The following CNTNAP2 variants were observed in gnomAD, a reference collection of about 807,000 sequenced individuals.
CNTNAP2 encodes the protein contactin associated protein 2, also known as contactin-associated protein-like 2.
A neutral mutation model predicts 155.2 loss-of-function variants in CNTNAP2; 98 were observed. That is an observed-to-expected ratio of 0.63 (90% CI 0.54 to 0.75). The LOEUF is 0.75. Among genes scored for constraint, CNTNAP2 ranks in the 30% least tolerant of loss-of-function variants. The probability of loss-of-function intolerance (pLI) is 0.00; values close to 1 mark genes in which losing one functional copy is unlikely to be tolerated. For missense variants in CNTNAP2, 1,727 were observed against 1,688.1 expected, an observed-to-expected ratio of 1.02 and a Z score of -0.40; for synonymous variants, 651 against 631.2, an observed-to-expected ratio of 1.03 and a Z score of -0.47.
chr7:148,215,797 A>G (rs540113743), intron 18 of CNTNAP2, among the ~76,000 whole-genome samples: 2 of 152,288 alleles, frequency 1.3e-5, no homozygotes, highest in Non-Finnish European at 2.9e-5. Context: ...CCAAGTTAAC[A>G]CGGCTGCTAC....
chr7:147,066,184 A>G (rs555476499), intron 4 of CNTNAP2, among the ~76,000 whole-genome samples: 13 of 152,318 alleles, frequency 8.5e-5, no homozygotes, highest in African/African-American at 3.1e-4. Context: ...AAGTTTTCTC[A>G]ATGACCCTAA....
chr7:146,185,350 T>C (rs1798607948), intron 1 of CNTNAP2, among the ~76,000 whole-genome samples: 1 of 152,178 alleles, frequency 6.6e-6, no homozygotes, highest in Non-Finnish European at 1.5e-5. Flanking sequence ...TTGGTTTATA[T>C]TTTTTCCATG....
chr7:147,526,816 G>A (rs1036566609), intron 11 of CNTNAP2, among the ~76,000 whole-genome samples: 1 of 152,066 alleles, frequency 6.6e-6, no homozygotes, highest in Non-Finnish European at 1.5e-5. Context: ...AGTATTAAGA[G>A]AAAGAAGAAA....
At chr7:147,854,943 C>CAAGA (rs1458529564) in intron 13 of CNTNAP2, among the ~76,000 whole-genome samples, 1 of 151,912 alleles carries the variant, frequency 6.6e-6, no homozygotes, top group Non-Finnish European at 1.5e-5. Flanking sequence ...AGACACCGCC[C>CAAGA]AAGAAAGAGA....
At chr7:147,283,522 T>G (rs1805100544) in intron 8 of CNTNAP2, among the ~76,000 whole-genome samples, 1 of 151,906 alleles carries the variant, frequency 6.6e-6, no homozygotes, top group Non-Finnish European at 1.5e-5. Context: ...AAAGATTATC[T>G]GTGGATCTAG....
rs528693961 is a variant in CNTNAP2 at position 147,460,406 on chromosome 7, A to G, written c.1671-25529A>G. Among the ~76,000 whole-genome samples, 10 of 152,176 alleles carry G rather than the reference A, an allele frequency of 6.6e-5. No individual in the cohort carries two copies. In the South Asian group the frequency reaches 1.9e-3, roughly 28 times the overall value. On this transcript the variant is annotated intron_variant, in intron 10 of 23. Coordinates refer to ENST00000361727, the MANE Select transcript of CNTNAP2 (RefSeq NM_014141.6). ...TTCCCTGAGTCTAAGCAGAAGTGCT[A>G]CCTCGCCCCCCTACCTCCCATCAAA...
At chr7:147,154,801 T>C (rs1268297867) in intron 8 of CNTNAP2, among the ~76,000 whole-genome samples, 5 of 152,066 alleles carry the variant, frequency 3.3e-5, no homozygotes, top group East Asian at 3.9e-4. Flanking sequence ...TTTAAAATAC[T>C]TGAAGTACAG....
At chr7:146,549,674 T>G (rs2129142444) in intron 1 of CNTNAP2, among the ~76,000 whole-genome samples, 1 of 152,228 alleles carries the variant, frequency 6.6e-6, no homozygotes, top group African/African-American at 2.4e-5. Flanking sequence ...CATGTTTATG[T>G]GACTTTGAAG....
rs964445352 is a variant in CNTNAP2, at chr7:147,659,838, C to T, written c.2098+20532C>T. On this transcript the variant is annotated intron_variant, in intron 13 of 23. Transcript: ENST00000361727. Reference sequence around the variant, plus strand: ...TGCTGTATTTGCATACTGCCTTTTTCCCCTAAGAGATTGTTTTGAAAGAAT... The same window carrying T: ...TGCTGTATTTGCATACTGCCTTTTTTCCCTAAGAGATTGTTTTGAAAGAAT... 1.0e-3 allele frequency among the ~76,000 whole-genome samples: 152 copies of T among 151,938 alleles called. 1 individual carries two copies. Among genetic ancestry groups the T allele is most frequent in the Non-Finnish European group, 8.8e-4 (60 of 67,990 alleles).
chr7:146,174,686 A>C (rs1798444715), intron 1 of CNTNAP2, among the ~76,000 whole-genome samples: 1 of 151,918 alleles, frequency 6.6e-6, no homozygotes, highest in African/African-American at 2.4e-5. Context: ...TACTAAGAAC[A>C]CAGAAATTAG....
intron 3 of CNTNAP2, among the ~76,000 whole-genome samples, chr7:146,877,569 T>G (rs1250042972): frequency 6.6e-6 from 1 of 151,388 alleles, no homozygotes; most frequent in African/African-American, 2.4e-5. Context: ...ATACTATATA[T>G]GTGTGTGTAT....
chr7:147,152,019 C>T (rs1801837611), intron 8 of CNTNAP2, among the ~76,000 whole-genome samples: 1 of 151,974 alleles, frequency 6.6e-6, no homozygotes, highest in African/African-American at 2.4e-5. Context: ...TTGTACTTTA[C>T]CAATGGAAAA....
At chr7:148,247,612 TC>T (rs1796288097) in intron 20 of CNTNAP2, among the ~76,000 whole-genome samples, 3 of 146,942 alleles carry the variant, frequency 2.0e-5, no homozygotes, top group South Asian at 4.3e-4. Context: ...TCTCTCTCTC[TC>T]TCTCTCTCTC....
At chr7:146,771,093 G>A (rs532666711) in intron 1 of CNTNAP2, among the ~76,000 whole-genome samples, 22 of 152,162 alleles carry the variant, frequency 1.4e-4, no homozygotes, top group African/African-American at 5.3e-4. Flanking sequence ...GCATAAAATA[G>A]CAATTCTCTT....
chr7:148,366,723 C>A (rs1034349879), intron 21 of CNTNAP2, among the ~76,000 whole-genome samples: 1 of 152,128 alleles, frequency 6.6e-6, no homozygotes, highest in Non-Finnish European at 1.5e-5. Flanking sequence ...AAGAGGCCAT[C>A]ATGCAGTTTG....
intron 1 of CNTNAP2, among the ~76,000 whole-genome samples, chr7:146,544,963 C>T (rs1222707184): frequency 1.3e-5 from 2 of 151,756 alleles, no homozygotes; most frequent in African/African-American, 2.4e-5. Context: ...GAAACTTAGG[C>T]CTGAAGAGCT....
chr7:148,383,674 T>G lies in CNTNAP2; in HGVS notation c.3501T>G (p.Ile1167Met). 6.2e-7 allele frequency: 1 copy of G among 1,614,194 alleles called. No homozygotes were observed. The highest frequency in any genetic ancestry group is 8.5e-7 in the Non-Finnish European group (1 of 1,180,036). Residue 1167 changes from isoleucine to methionine, a missense_variant, in exon 22 of 24, where the codon ATT becomes ATG. By Grantham distance (10) the Ile-to-Met change is conservative. Coordinates refer to ENST00000361727, the MANE Select transcript of CNTNAP2 (RefSeq NM_014141.6). ...VIETGKIDQE[I>M]HKYNTPGFTG... is the part of the protein sequence containing the mutation. ...AAACAGGGAAAATTGACCAAGAGAT[T>G]CACAAATACAACACCCCAGGATTCA...
intron 14 of CNTNAP2, among the ~76,000 whole-genome samples, chr7:147,956,930 C>T (rs1056365301): frequency 6.6e-6 from 1 of 152,142 alleles, no homozygotes; most frequent in African/African-American, 2.4e-5. Context: ...TCTGAGGACC[C>T]AGGTGATATT....
intron 21 of CNTNAP2, among the ~76,000 whole-genome samples, chr7:148,321,283 G>A (rs2116536648): frequency 6.6e-6 from 1 of 152,306 alleles, no homozygotes; most frequent in African/African-American, 2.4e-5. Flanking sequence ...CAACCAATGT[G>A]TTGAGTGTAG....
Sources: gnomAD v4.1 joint callset for allele counts (sites outside exome capture counted in the v4.1 genomes callset) on GRCh38, gnomAD v4.1.1 for gene constraint, MANE v1.5 for transcripts, NCBI Gene and HGNC (gene_info 2026-07-23, HGNC 2026-07-21) for gene names.